Variants in GRK2 observed in about 807,000 individuals in gnomAD.
GRK2 encodes adrenergic beta receptor kinase 1.
In GRK2, 23 loss-of-function variants were observed where a neutral mutation model predicts 97.8. That is an observed-to-expected ratio of 0.24 (90% confidence interval 0.17 to 0.33). GRK2 has a LOEUF of 0.33. Among genes scored for constraint, GRK2 ranks in the 10% least tolerant of loss-of-function variants. The probability of loss-of-function intolerance (pLI) is 1.00; values close to 1 mark genes in which losing one functional copy is unlikely to be tolerated. For synonymous variants in GRK2, 425 were observed against 381.7 expected, an observed-to-expected ratio of 1.11 and a Z score of -1.32; for missense variants, 633 against 956.9, an observed-to-expected ratio of 0.66 and a Z score of 4.47.
chr11:67,278,799 C>T (rs1860084842), intron 2 of GRK2, among the ~76,000 whole-genome samples: 1 of 152,038 alleles, frequency 6.6e-6, no homozygotes, highest in Non-Finnish European at 1.5e-5. Flanking sequence ...TCGTGTTGCA[C>T]CTGCACAGCC....
At position 67,281,042 on chromosome 11, in the gene GRK2, A is replaced by C; in HGVS notation, c.556-51A>C. On this transcript the variant is annotated intron_variant, in intron 7 of 20. Transcript: ENST00000308595. This position sits in a 1 kb window ranked among gnomAD's most constrained non-coding sequence, Gnocchi z 5.7. ...CCTGCTGCCCAGGTGCCTCTGCCCC[A>C]GGGCTGGGCAGAGGCAGCCTGTGGT... The C allele has an allele frequency of 6.7e-7, 1 of 1,494,918 alleles. No homozygotes were observed. Among genetic ancestry groups the C allele is most frequent in the Non-Finnish European group, 9.2e-7 (1 of 1,090,742 alleles). 92.6% of individuals were successfully genotyped at this position (1,494,918 alleles called of 1,614,324 possible). A position where few individuals can be genotyped will look rare whatever the true frequency, so the allele number is the denominator to read the frequency against.
At position 67,282,502 on chromosome 11, in the gene GRK2, T is replaced by C; in HGVS notation, c.1120T>C (p.Trp374Arg). 1 of 1,613,722 alleles carries C rather than the reference T, an allele frequency of 6.2e-7. No individual in the cohort carries two copies. Among genetic ancestry groups the C allele is most frequent in the Non-Finnish European group, 8.5e-7 (1 of 1,179,990 alleles). Residue 374 changes from tryptophan to arginine, a missense_variant, in exon 13 of 21, where the codon TGG (tryptophan) becomes CGG (arginine). Around this residue, in one of 4 missense-constraint regions of GRK2, gnomAD observed 192 missense variants for 362.3 expected, o/e 0.53. Transcript: ENST00000308595. The surrounding 1 kb of genome is among the most constrained non-coding windows in gnomAD (Gnocchi z 6.9). ...CGTGGCCTACGACAGCAGTGCCGACTGGTTCTCTCTGGGGTGCATGCTCTT... is the reference window on the plus strand; with the variant it reads ...CGTGGCCTACGACAGCAGTGCCGACCGGTTCTCTCTGGGGTGCATGCTCTT... ...KGVAYDSSADWFSLGCMLFKL... is the reference protein window; with the variant it reads ...KGVAYDSSADRFSLGCMLFKL...
chr11:67,278,379 C>A (rs956324589), intron 2 of GRK2, among the ~76,000 whole-genome samples: 30 of 152,246 alleles, frequency 2.0e-4, no homozygotes, highest in Non-Finnish European at 4.0e-4. Context: ...AGGGTCCAGG[C>A]CCCTTACTCA....
rs1486958581 is a variant in GRK2 at position 67,279,640 on chromosome 11, T to C, written c.381T>C (p.Ser127=). 9.9e-6 allele frequency: 16 copies of C among 1,613,106 alleles called. No individual in the cohort carries two copies. The highest frequency in any genetic ancestry group is 1.4e-5 in the Non-Finnish European group (16 of 1,179,956). The change falls in exon 5 of 21, where the codon AGT becomes AGC. Residue 127 remains serine, a synonymous_variant. Coordinates refer to ENST00000308595, the MANE Select transcript of GRK2 (RefSeq NM_001619.5). ...LLACSHPFSK[S]ATEHVQGHLG... ...GTCTTCCCCAGCCCTTCTCGAAGAGTGCCACTGAGCATGTCCAAGGCCACC... is the reference window on the plus strand; with the variant it reads ...GTCTTCCCCAGCCCTTCTCGAAGAGCGCCACTGAGCATGTCCAAGGCCACC...
rs1010187025 is a variant in GRK2, at chr11:67,286,234, G to C, written c.*784G>C. 3.4e-6 allele frequency: 2 copies of C among 580,008 alleles called. No individual in the cohort carries two copies. The highest frequency in any genetic ancestry group is 3.2e-5 in the Admixed American group (1 of 30,924). 35.9% of individuals were successfully genotyped at this position (580,008 alleles called of 1,614,324 possible). ...GACCCCATCTGCCCAGGACGGGGCC[G>C]GCCAGGTGGGCGGGCAGCACAGCAA... On this transcript the variant is annotated 3_prime_UTR_variant, in exon 21 of 21. Coordinates refer to ENST00000308595, the MANE Select transcript of GRK2 (RefSeq NM_001619.5).
At position 67,279,489 on chromosome 11, in the gene GRK2, C is replaced by T; in HGVS notation, c.336C>T (p.Tyr112=). ...VARSREIFDS[Y]IMKELLACSH... ...GCAGCCGGGAGATCTTCGACTCATA[C>T]ATCATGAAGGAGCTGCTGGCCTGCT... The change falls in exon 4 of 21, where the codon TAC becomes TAT. Residue 112 remains tyrosine (Y), a synonymous_variant. Coordinates refer to ENST00000308595, the MANE Select transcript of GRK2 (RefSeq NM_001619.5). 2.5e-6 allele frequency: 4 copies of T among 1,613,320 alleles called. No individual in the cohort carries two copies. The highest frequency in any genetic ancestry group is 3.4e-6 in the Non-Finnish European group (4 of 1,180,032).
In GRK2 at chr11:67,279,247, A is replaced by G. The variant is rs2136499285; in HGVS notation, c.238A>G (p.Arg80Gly). The change falls in exon 3 of 21, where the codon AGG becomes GGG. Residue 80 changes from arginine (R) to glycine (G), a missense_variant. By Grantham distance (125) the Arg-to-Gly change is moderately radical. This residue lies in a region of GRK2 where 193 missense variants were observed against 212.2 expected (regional missense o/e 0.91). Coordinates refer to ENST00000308595, the MANE Select transcript of GRK2 (RefSeq NM_001619.5). ...DFCLNHLEEA[R>G]PLVEFYEEIK... Reference sequence around the variant, plus strand: ...CTGCCTGAACCACCTGGAGGAGGCCAGGCCCTTGGTGGAATTCTATGAGGA... The same window carrying G: ...CTGCCTGAACCACCTGGAGGAGGCCGGGCCCTTGGTGGAATTCTATGAGGA... 6.2e-7 allele frequency: 1 copy of G among 1,613,616 alleles called. No homozygotes were observed. The highest frequency in any genetic ancestry group is 1.1e-5 in the South Asian group (1 of 91,074).
Position 67,283,922 on chromosome 11 carries a change from C to T in GRK2, c.1464C>T (p.Phe488=), listed in dbSNP as rs1335775355. Residue 488 remains phenylalanine (F), a synonymous_variant, in exon 17 of 21, where the codon TTC becomes TTT. Transcript: ENST00000308595. ...CCGACGCCTTCGACATTGGCTCCTT[C>T]GATGAGGAGGACACAAAAGGAATCA... ...NAADAFDIGS[F]DEEDTKGIKL... is the part of the protein sequence containing the mutation. The T allele has an allele frequency of 1.4e-5, 23 of 1,612,078 alleles. No homozygotes were observed. The highest frequency in any genetic ancestry group is 3.3e-5 in the South Asian group (3 of 90,904).
rs1425558968 is a variant in GRK2 at position 67,281,379 on chromosome 11, C to G, written c.648-80C>G. On this transcript the variant is annotated intron_variant, in intron 8 of 20. Transcript: ENST00000308595. The surrounding 1 kb of genome is among the most constrained non-coding windows in gnomAD (Gnocchi z 5.7). ...GTCACACGCTGGTCCTGGGTCTAGT[C>G]TTTCCCTCAAGCGCCCCCTGAGGCA... is the stretch of plus-strand genomic sequence containing the variant. The G allele has an allele frequency of 2.9e-6, 4 of 1,369,258 alleles. No homozygotes were observed. Among genetic ancestry groups the G allele is most frequent in the Non-Finnish European group, 4.1e-6 (4 of 967,496 alleles). 84.8% of individuals were successfully genotyped at this position (1,369,258 alleles called of 1,614,324 possible).
intron 1 of GRK2, among the ~76,000 whole-genome samples, chr11:67,267,991 T>C (rs1859832896): frequency 6.6e-6 from 1 of 152,228 alleles, no homozygotes; most frequent in South Asian, 2.1e-4. Context: ...ATTCTTTGTG[T>C]CGTGTGGCAA....
Position 67,277,255 on chromosome 11 carries a change from G to GC in GRK2, c.114-11dup, listed in dbSNP as rs751152867. 1.7e-5 allele frequency: 27 copies of GC among 1,612,804 alleles called. No homozygotes were observed. Among genetic ancestry groups the GC allele is most frequent in the Non-Finnish European group, 2.3e-5 (27 of 1,179,722 alleles). On this transcript the variant is annotated splice_polypyrimidine_tract_variant and intron_variant, in intron 1 of 20. Coordinates refer to ENST00000308595, the MANE Select transcript of GRK2 (RefSeq NM_001619.5). The stretch of plus-strand genomic sequence containing the variant: ...GGCTCTGGGGGCTTCTGCTTACTGC[G>GC]CCCCCCTGACCCACAGCATCCGCAG...
At position 67,283,116 on chromosome 11, in the gene GRK2, T is replaced by C; in HGVS notation, c.1228-12T>C. On this transcript the variant is annotated splice_polypyrimidine_tract_variant and intron_variant, in intron 14 of 20. Transcript: ENST00000308595. Reference sequence around the variant, plus strand: ...TCCTAAGCCCCTGCTAATGTCCCACTCCTCTCTAAAGGCCGTGGAGCTGCC... The same window carrying C: ...TCCTAAGCCCCTGCTAATGTCCCACCCCTCTCTAAAGGCCGTGGAGCTGCC... 1 of 1,613,032 alleles carries C rather than the reference T, an allele frequency of 6.2e-7. No individual in the cohort carries two copies. Among genetic ancestry groups the C allele is most frequent in the Non-Finnish European group, 8.5e-7 (1 of 1,179,242 alleles).
In GRK2 at chr11:67,281,436, G is replaced by A; in HGVS notation, c.648-23G>A. On this transcript the variant is annotated intron_variant, in intron 8 of 20. Coordinates refer to ENST00000308595, the MANE Select transcript of GRK2 (RefSeq NM_001619.5). The surrounding 1 kb of genome is among the most constrained non-coding windows in gnomAD (Gnocchi z 5.7). ...GGCCCCTGCTCTGAGGGTGGGTGTT[G>A]ACTGCCGACCTCTGCCCCGTAGGTA... 1 of 1,609,088 alleles carries A rather than the reference G, an allele frequency of 6.2e-7. No homozygotes were observed. Among genetic ancestry groups the A allele is most frequent in the South Asian group, 1.1e-5 (1 of 90,980 alleles).
rs1565070666 is a variant in GRK2 at position 67,286,422 on chromosome 11, T to C, written c.*972T>C. On this transcript the variant is annotated 3_prime_UTR_variant, in exon 21 of 21. Coordinates refer to ENST00000308595, the MANE Select transcript of GRK2 (RefSeq NM_001619.5). ...GCTGCCTGTGTGGTGTCGCGCCTTC[T>C]CCCCCCCGGGGCTGGGTTGGCGCAC... The C allele has an allele frequency of 1.0e-5, 7 of 698,760 alleles. No individual in the cohort carries two copies. In the East Asian group the frequency reaches 1.6e-4, roughly 16 times the overall value. The allele number at this position is 698,760 out of a possible 1,614,324, so 43.3% of individuals were successfully genotyped here.
intron 16 of GRK2, 21 bp from the exon 17 acceptor site, chr11:67,283,833 A>C: frequency 6.2e-7 from 1 of 1,612,686 alleles, no homozygotes; most frequent in Non-Finnish European, 8.5e-7. Context: ...GCTAATGCCC[A>C]TGACCCCTGT....
rs769060363 is a variant in GRK2, at chr11:67,276,313, C to A, written c.114-959C>A. ...TGGCTGTTGGGACAGACCGGCAGGG[C>A]TGGGCTTGAGGTGGGCCAGGAGAGG... On this transcript the variant is annotated intron_variant, in intron 1 of 20. Coordinates refer to ENST00000308595, the MANE Select transcript of GRK2 (RefSeq NM_001619.5). The surrounding 1 kb of genome is among the most constrained non-coding windows in gnomAD (Gnocchi z 4.2). 6.6e-6 allele frequency among the ~76,000 whole-genome samples: 1 copy of A among 152,200 alleles called. No individual in the cohort carries two copies.
chr11:67,280,186 G>A (rs1007656264), intron 6 of GRK2: 1 of 503,528 alleles, frequency 2.0e-6, no homozygotes, highest in African/African-American at 1.9e-5. Context: ...CTCTCCCGTG[G>A]GCTGTATAGC....
chr11:67,280,182 C>T (rs183158908), intron 6 of GRK2: 180 of 507,050 alleles, frequency 3.5e-4, no homozygotes, highest in Admixed American at 3.3e-3. Context: ...CTTTCTCTCC[C>T]GTGGGCTGTA....
rs548308441 is a variant in GRK2, at chr11:67,285,159, G to A, written c.1876G>A (p.Gly626Ser). Residue 626 changes from glycine (G) to serine (S), a missense_variant, in exon 20 of 21, where the codon GGT (glycine) becomes AGT (serine). This residue lies in a region of GRK2 where 180 missense variants were observed against 311.3 expected (regional missense o/e 0.58). Transcript: ENST00000308595. Reference sequence around the variant, plus strand: ...CAAGTGCCTGCTCCTCAAGATCCGCGGTGGGAAACAGTTCATTTTGCAGTG... The same window carrying A: ...CAAGTGCCTGCTCCTCAAGATCCGCAGTGGGAAACAGTTCATTTTGCAGTG... ...ERKCLLLKIR[G>S]GKQFILQCDS... 7.4e-6 allele frequency: 12 copies of A among 1,613,592 alleles called. No homozygotes were observed. The highest frequency in any genetic ancestry group is 4.0e-5 in the African/African-American group (3 of 75,058).
Sources: allele counts gnomAD v4.1 joint callset (sites outside exome capture counted in the v4.1 genomes callset), GRCh38; gene constraint gnomAD v4.1.1; regional missense constraint gnomAD v4.1.1; non-coding constraint Gnocchi (gnomAD v3.1); transcripts MANE v1.5; gene names NCBI Gene and HGNC (gene_info 2026-07-23, HGNC 2026-07-21).